Variants in SMC6 observed in about 807,000 individuals in gnomAD.
SMC6 encodes structural maintenance of chromosomes protein 6.
A neutral mutation model predicts 142.2 loss-of-function variants in SMC6; 79 were observed. The observed-to-expected ratio is 0.56, with a 90% CI of 0.46 to 0.67. The LOEUF is 0.67. Ranked by LOEUF, SMC6 falls within the 30% of genes least tolerant of loss-of-function variation. The pLI, the probability that SMC6 is intolerant of heterozygous loss-of-function variation, is 0.00. For missense variants in SMC6, 1,072 were observed against 1,284.0 expected, an observed-to-expected ratio of 0.83 and a Z score of 2.52; for synonymous variants, 411 against 412.4, an observed-to-expected ratio of 1.00 and a Z score of 0.04.
At position 17,665,389 on chromosome 2, in the gene SMC6, T is replaced by G; in HGVS notation, c.*110A>C. Reference sequence around the variant, plus strand: ...TTGTGGTTGGATATATAAAGGAGTTTCTTTCATTTCAGAATGCCTCCAGTC... The same window carrying G: ...TTGTGGTTGGATATATAAAGGAGTTGCTTTCATTTCAGAATGCCTCCAGTC... On this transcript the variant is annotated 3_prime_UTR_variant, in exon 28 of 28. Transcript: ENST00000448223. 1.9e-6 allele frequency: 1 copy of G among 519,828 alleles called. No homozygotes were observed. Among genetic ancestry groups the G allele is most frequent in the Non-Finnish European group, 3.2e-6 (1 of 315,564 alleles). 32.2% of individuals were successfully genotyped at this position (519,828 alleles called of 1,614,324 possible).
At chr2:17,679,154 C>T in intron 24 of SMC6, 190 bp from the exon 25 acceptor site, 1 of 456,336 alleles carries the variant, frequency 2.2e-6, no homozygotes, top group African/African-American at 2.0e-5. Flanking sequence ...TATGTCCCTA[C>T]ACTTTCACCA....
At position 17,745,879 on chromosome 2, in the gene SMC6, A is replaced by G. The variant is rs764064850; in HGVS notation, c.68T>C (p.Leu23Ser). The change falls in exon 3 of 28, where the codon TTG (leucine) becomes TCG (serine). Residue 23 changes from leucine to serine, a missense_variant. Around this residue, in one of 3 missense-constraint regions of SMC6, gnomAD observed 994 missense variants for 1,153.2 expected, o/e 0.86. Coordinates refer to ENST00000448223, the MANE Select transcript of SMC6 (RefSeq NM_001142286.2). The part of the protein sequence containing the change: ...KNAKRPRQEE[L>S]EDFDKDGDED... ...GTCACCATCTTTATCAAAATCCTCC[A>G]ATTCTTCTTGTCTTGGCCTTTTGGC... 2 of 1,612,818 alleles carry G rather than the reference A, an allele frequency of 1.2e-6. No individual in the cohort carries two copies. The highest frequency in any genetic ancestry group is 3.3e-5 in the Admixed American group (2 of 59,834).
chr2:17,691,421 C>A (rs1010353947), intron 23 of SMC6, among the ~76,000 whole-genome samples: 1 of 145,690 alleles, frequency 6.9e-6, no homozygotes, highest in Admixed American at 6.8e-5. Flanking sequence ...GATTACATAT[C>A]TTGGCTATTG....
chr2:17,707,183 T>A, intron 18 of SMC6, 36 bp downstream of exon 18: 1 of 1,427,238 alleles, frequency 7.0e-7, no homozygotes, highest in Non-Finnish European at 9.3e-7. Flanking sequence ...AAGGAAGCAG[T>A]GGGAATGATA....
chr2:17,732,668 C>T (rs1298565896), intron 5 of SMC6, among the ~76,000 whole-genome samples: 3 of 150,976 alleles, frequency 2.0e-5, no homozygotes, highest in Non-Finnish European at 4.4e-5. Flanking sequence ...CATTGCACTC[C>T]AGCCTGGGCG....
intron 11 of SMC6, 67 bp downstream of exon 11, chr2:17,720,869 CATAA>C: frequency 7.8e-7 from 1 of 1,289,754 alleles, no homozygotes; most frequent in Non-Finnish European, 1.1e-6. Context: ...TTTGGTGGGT[CATAA>C]ATAGTCTAAT....
At chr2:17,706,045 T>C (rs1207271345) in intron 18 of SMC6, among the ~76,000 whole-genome samples, 1 of 152,200 alleles carries the variant, frequency 6.6e-6, no homozygotes, top group Admixed American at 6.5e-5. Flanking sequence ...TAGAGAAATT[T>C]TGTATATTAA....
chr2:17,678,440 A>G (rs1667093870), intron 25 of SMC6, among the ~76,000 whole-genome samples: 1 of 152,116 alleles, frequency 6.6e-6, no homozygotes, highest in Non-Finnish European at 1.5e-5. Context: ...AAAATCAAAG[A>G]CAACAGGTTA....
intron 21 of SMC6, among the ~76,000 whole-genome samples, chr2:17,697,617 A>T (rs1010851167): frequency 6.6e-6 from 1 of 152,108 alleles, no homozygotes; most frequent in African/African-American, 2.4e-5. Context: ...ATTAGCCATA[A>T]GGAAAATGCA....
At chr2:17,687,513 C>A (rs375734786) in intron 23 of SMC6, among the ~76,000 whole-genome samples, 1 of 139,478 alleles carries the variant, frequency 7.2e-6, no homozygotes, top group Non-Finnish European at 1.6e-5. Context: ...TGGTTGACTA[C>A]CTTTTGTGAA....
intron 3 of SMC6, among the ~76,000 whole-genome samples, chr2:17,744,837 ATG>A (rs1670659252): frequency 6.6e-6 from 1 of 152,202 alleles, no homozygotes; most frequent in Non-Finnish European, 1.5e-5. Context: ...TGATATAATC[ATG>A]TGATTTTTCT....
At chr2:17,734,695 T>A (rs1002516685) in intron 5 of SMC6, among the ~76,000 whole-genome samples, 4 of 152,054 alleles carry the variant, frequency 2.6e-5, no homozygotes, top group Non-Finnish European at 5.9e-5. Flanking sequence ...AGTGAGAACT[T>A]CAGAAGCACT....
At chr2:17,685,199 C>T (rs570218490) in intron 23 of SMC6, among the ~76,000 whole-genome samples, 3 of 147,136 alleles carry the variant, frequency 2.0e-5, no homozygotes, top group Non-Finnish European at 4.5e-5. Flanking sequence ...TAACTAAAGA[C>T]CTCAAAAAAA....
intron 24 of SMC6, chr2:17,680,054 AC>A (rs905649265): frequency 6.6e-6 from 1 of 152,258 alleles, no homozygotes; most frequent in Non-Finnish European, 1.5e-5. Flanking sequence ...TTTTCTGTTA[AC>A]TTTTCTTTCA....
chr2:17,726,087 T>TAAAAAAA (rs35471536), intron 8 of SMC6, among the ~76,000 whole-genome samples: 551 of 54,956 alleles, frequency 0.01, 38 homozygotes, highest in Non-Finnish European at 0.011. Flanking sequence ...GGCTCTGTCT[T>TAAAAAAA]AAAAAAAAAA....
At chr2:17,694,440 C>A (rs1394381569) in intron 23 of SMC6, among the ~76,000 whole-genome samples, 2 of 152,000 alleles carry the variant, frequency 1.3e-5, no homozygotes, top group East Asian at 3.9e-4. Context: ...CCATATGTAC[C>A]CCACTGGAGT....
intron 25 of SMC6, among the ~76,000 whole-genome samples, chr2:17,671,880 T>C (rs187085367): frequency 1.3e-5 from 2 of 152,150 alleles, no homozygotes; most frequent in East Asian, 1.9e-4. Context: ...CATATATGCA[T>C]ACAAGGTGAA....
At chr2:17,730,769 ATTT>A (rs753341570) in intron 7 of SMC6, among the ~76,000 whole-genome samples, 28 of 139,174 alleles carry the variant, frequency 2.0e-4, no homozygotes, top group African/African-American at 6.3e-4. Flanking sequence ...CACCCAGCTA[ATTT>A]TTTTTTTTTT....
At chr2:17,699,501 G>A (rs900165260) in intron 21 of SMC6, among the ~76,000 whole-genome samples, 1 of 152,114 alleles carries the variant, frequency 6.6e-6, no homozygotes, top group Non-Finnish European at 1.5e-5. Flanking sequence ...AATTTGGGAA[G>A]TGTTTAGCCA....
Sources: gnomAD v4.1 joint callset for allele counts (sites outside exome capture counted in the v4.1 genomes callset) on GRCh38, gnomAD v4.1.1 for gene constraint, gnomAD v4.1.1 regional missense constraint, MANE v1.5 for transcripts, NCBI Gene and HGNC (gene_info 2026-07-23, HGNC 2026-07-21) for gene names.